PTCHD4: variants seen among roughly 807,000 people sequenced by gnomAD.
PTCHD4 encodes the protein patched domain-containing protein 4.
In PTCHD4, 33 loss-of-function variants were observed where a neutral mutation model predicts 58.1. The observed-to-expected ratio is 0.57, with a 90% CI of 0.43 to 0.76. The LOEUF (loss-of-function observed/expected upper bound fraction) is 0.76, where lower values mean the gene tolerates loss of function less well. Among genes scored for constraint, PTCHD4 ranks in the 30% least tolerant of loss-of-function variants. PTCHD4 has a pLI of 0.00. For missense variants in PTCHD4, 1,058 were observed against 1,027.1 expected, an observed-to-expected ratio of 1.03 and a Z score of -0.41; for synonymous variants, 478 against 409.6, an observed-to-expected ratio of 1.17 and a Z score of -2.02.
chr6:48,103,000 C>T (rs1198965628), intron 1 of PTCHD4, among the ~76,000 whole-genome samples: 1 of 152,234 alleles, frequency 6.6e-6, no homozygotes, highest in African/African-American at 2.4e-5. Context: ...AGGGGCCTGC[C>T]TGCCTCTGTA....
chr6:48,110,989 C>G (rs897865502), intron 1 of PTCHD4, among the ~76,000 whole-genome samples, 60 bp downstream of exon 1: 1 of 151,928 alleles, frequency 6.6e-6, no homozygotes, highest in Non-Finnish European at 1.5e-5. Flanking sequence ...GTGATTGCCC[C>G]TCTATATCCT....
At chr6:48,084,210 G>T (rs964424678) in intron 1 of PTCHD4, among the ~76,000 whole-genome samples, 3 of 152,122 alleles carry the variant, frequency 2.0e-5, no homozygotes, top group African/African-American at 7.2e-5. Context: ...CAAAGCATAT[G>T]ATTTAATTGG....
At chr6:47,916,902 C>T (rs1765276323) in intron 4 of PTCHD4, among the ~76,000 whole-genome samples, 1 of 152,078 alleles carries the variant, frequency 6.6e-6, no homozygotes, top group Non-Finnish European at 1.5e-5. Context: ...TTTACATCTT[C>T]CTGGGGTGGT....
intron 1 of PTCHD4, among the ~76,000 whole-genome samples, chr6:48,072,173 C>T (rs542759275): frequency 1.1e-4 from 16 of 152,220 alleles, no homozygotes; most frequent in African/African-American, 3.6e-4. Flanking sequence ...GGCTCTACCT[C>T]CTTCCTCCTT....
At position 47,879,595 on chromosome 6, in the gene PTCHD4, G is replaced by C; in HGVS notation, c.1240C>G (p.Arg414Gly). The C allele has an allele frequency of 6.2e-7, 1 of 1,613,712 alleles. No homozygotes were observed. Among genetic ancestry groups the C allele is most frequent in the South Asian group, 1.1e-5 (1 of 91,070 alleles). Residue 414 changes from arginine (R) to glycine (G), a missense_variant, in exon 5 of 5, where the codon CGC (arginine) becomes GGC (glycine). Transcript: ENST00000339488. ...ACTGTCTGGAACCACACAGGTTTGC[G>C]ATCCAGGTATTCTGCAGAAGGGATC... ...CKIPSAEYLD[R>G]KPVWFQTVMS...
intron 4 of PTCHD4, among the ~76,000 whole-genome samples, chr6:47,962,407 G>T (rs1767131817): frequency 6.6e-6 from 1 of 152,140 alleles, no homozygotes; most frequent in African/African-American, 2.4e-5. Flanking sequence ...GTTTGGTTTT[G>T]TGTCCCTACC....
At chr6:48,058,125 T>C (rs1764480002) in intron 3 of PTCHD4, among the ~76,000 whole-genome samples, 1 of 152,208 alleles carries the variant, frequency 6.6e-6, no homozygotes, top group African/African-American at 2.4e-5. Flanking sequence ...TCTGAATCTC[T>C]CTAGATGGGA....
At chr6:47,987,430 AAAC>A (rs1347276411) in intron 4 of PTCHD4, among the ~76,000 whole-genome samples, 1 of 152,036 alleles carries the variant, frequency 6.6e-6, no homozygotes, top group East Asian at 1.9e-4. Flanking sequence ...AAAAAAAAAA[AAAC>A]AAGACTAAGT....
rs547911229 is a variant in PTCHD4, at chr6:47,870,362, C to T, written c.*7941G>A. Among the ~76,000 whole-genome samples the T allele has an allele frequency of 2.6e-5, 4 of 151,544 alleles. No individual in the cohort carries two copies. The South Asian group carries it at 8.3e-4, about 32-fold the overall frequency. ...TCCAAAACATGAAAATAATGATGAA[C>T]CGAACAAGGAAATATTTGGAACATA... On this transcript the variant is annotated 3_prime_UTR_variant, in exon 5 of 5. Coordinates refer to ENST00000339488, the MANE Select transcript of PTCHD4 (RefSeq NM_001384253.1).
intron 3 of PTCHD4, among the ~76,000 whole-genome samples, chr6:48,024,950 C>T (rs1384062525): frequency 1.3e-5 from 2 of 152,162 alleles, no homozygotes; most frequent in African/African-American, 4.8e-5. Flanking sequence ...TGACATGATT[C>T]TACATCACAC....
intron 4 of PTCHD4, among the ~76,000 whole-genome samples, chr6:47,890,158 T>C (rs1287218798): frequency 6.6e-6 from 1 of 151,850 alleles, no homozygotes; most frequent in Non-Finnish European, 1.5e-5. Flanking sequence ...TGCATGTGTG[T>C]CTGTGTGTGT....
At chr6:47,978,037 G>GACAGAA (rs1561987640) in intron 4 of PTCHD4, among the ~76,000 whole-genome samples, 1 of 152,090 alleles carries the variant, frequency 6.6e-6, no homozygotes, top group African/African-American at 2.4e-5. Flanking sequence ...TGAACTTATT[G>GACAGAA]ATAGAAATAG....
At chr6:48,108,454 G>T (rs1562052987) in intron 1 of PTCHD4, among the ~76,000 whole-genome samples, 1 of 152,112 alleles carries the variant, frequency 6.6e-6, no homozygotes, top group Non-Finnish European at 1.5e-5. Context: ...GACTGTTGTG[G>T]GGTGGGGGGA....
intron 4 of PTCHD4, among the ~76,000 whole-genome samples, chr6:47,905,029 A>G (rs1764831383): frequency 7.9e-6 from 1 of 127,222 alleles, no homozygotes; most frequent in Admixed American, 9.5e-5. Flanking sequence ...AGAACTAGGA[A>G]GAAAATACAG....
chr6:47,957,022 G>A (rs113130154), intron 4 of PTCHD4, among the ~76,000 whole-genome samples: 6 of 151,592 alleles, frequency 4.0e-5, no homozygotes, highest in African/African-American at 1.5e-4. Flanking sequence ...AAATTAGGTG[G>A]GTTTGGTGCC....
At chr6:47,901,862 C>A (rs1292597935) in intron 4 of PTCHD4, 3 of 1,300,240 alleles carry the variant, frequency 2.3e-6, no homozygotes, top group African/African-American at 3.1e-5. Context: ...CCAGTTTTTT[C>A]TCTCCTTCCT....
chr6:47,966,916 C>T (rs1925806), intron 4 of PTCHD4, among the ~76,000 whole-genome samples: 106,706 of 151,978 alleles, frequency 0.7, 37,540 homozygotes, highest in East Asian at 0.83. Context: ...GTCTTGAGCC[C>T]TTCAAAATCA....
chr6:48,055,513 A>T (rs1764378841), intron 3 of PTCHD4, among the ~76,000 whole-genome samples: 1 of 152,226 alleles, frequency 6.6e-6, no homozygotes, highest in Admixed American at 6.5e-5. Context: ...GCTTTGGAAG[A>T]GATACTCTAA....
chr6:48,105,634 C>A (rs932521262), intron 1 of PTCHD4, among the ~76,000 whole-genome samples: 2 of 151,886 alleles, frequency 1.3e-5, no homozygotes, highest in Non-Finnish European at 2.9e-5. Context: ...ACAAAAAAAA[C>A]CCTTCAAAAA....
Sources: gnomAD v4.1 joint callset for allele counts (sites outside exome capture counted in the v4.1 genomes callset) on GRCh38, gnomAD v4.1.1 for gene constraint, MANE v1.5 for transcripts, NCBI Gene and HGNC (gene_info 2026-07-23, HGNC 2026-07-21) for gene names.